Variants in NRXN1 observed in about 807,000 individuals in gnomAD.
NRXN1 encodes neurexin-1.
A neutral mutation model predicts 150.9 loss-of-function variants in NRXN1; 39 were observed. The ratio of observed to expected loss-of-function variants is 0.26; its 90% CI spans 0.20 to 0.34. NRXN1 has a LOEUF of 0.34. Among genes scored for constraint, NRXN1 ranks in the 10% least tolerant of loss-of-function variants. NRXN1 has a pLI of 1.00. For synonymous variants in NRXN1, 924 were observed against 757.0 expected, an observed-to-expected ratio of 1.22 and a Z score of -3.62; for missense variants, 1,815 against 1,949.9, an observed-to-expected ratio of 0.93 and a Z score of 1.30.
intron 5 of NRXN1, among the ~76,000 whole-genome samples, chr2:50,713,746 A>G (rs775957062): frequency 1.3e-5 from 2 of 152,232 alleles, no homozygotes; most frequent in Non-Finnish European, 2.9e-5. Flanking sequence ...ACCAAAACAC[A>G]TAACATCTTA....
chr2:50,885,591 T>G (rs770224392), intron 5 of NRXN1, among the ~76,000 whole-genome samples: 1 of 151,222 alleles, frequency 6.6e-6, no homozygotes, highest in Non-Finnish European at 1.5e-5. Context: ...CACAACTGAA[T>G]GAAAATGTAA....
At chr2:50,199,757 G>A (rs2062031715) in intron 18 of NRXN1, among the ~76,000 whole-genome samples, 1 of 152,040 alleles carries the variant, frequency 6.6e-6, no homozygotes. Flanking sequence ...GGAACAAGCA[G>A]ATTAACTAAC....
chr2:50,158,555 T>G (rs1236561835), intron 18 of NRXN1, among the ~76,000 whole-genome samples: 2 of 152,106 alleles, frequency 1.3e-5, no homozygotes, highest in Non-Finnish European at 2.9e-5. Flanking sequence ...GCAACTGGTT[T>G]TCTTTGAAAT....
At chr2:50,138,042 A>G (rs1397171937) in intron 18 of NRXN1, among the ~76,000 whole-genome samples, 1 of 152,236 alleles carries the variant, frequency 6.6e-6, no homozygotes, top group African/African-American at 2.4e-5. Context: ...TGTCATAAAA[A>G]AATTTATGCA....
At chr2:50,714,566 A>G (rs1050321689) in intron 5 of NRXN1, among the ~76,000 whole-genome samples, 4 of 152,178 alleles carry the variant, frequency 2.6e-5, no homozygotes, top group Admixed American at 2.0e-4. Flanking sequence ...AAACAGATGA[A>G]TATTAATTGG....
chr2:50,481,935 T>C (rs2090498904), intron 15 of NRXN1, among the ~76,000 whole-genome samples: 1 of 145,280 alleles, frequency 6.9e-6, no homozygotes, highest in Admixed American at 6.7e-5. Flanking sequence ...CCGGCTAATT[T>C]TTTTTTGTAT....
At chr2:50,590,724 T>C (rs1014632232) in intron 8 of NRXN1, among the ~76,000 whole-genome samples, 2 of 152,174 alleles carry the variant, frequency 1.3e-5, no homozygotes, top group Admixed American at 1.3e-4. Context: ...AGCAAGAAGA[T>C]GGACGATCAT....
intron 17 of NRXN1, among the ~76,000 whole-genome samples, chr2:50,372,217 T>C (rs941736583): frequency 6.6e-6 from 1 of 152,072 alleles, no homozygotes; most frequent in African/African-American, 2.4e-5. Context: ...AAAATCCATA[T>C]AACAAAAAAC....
chr2:50,095,551 T>C (rs1027552269), intron 18 of NRXN1, among the ~76,000 whole-genome samples: 1 of 152,122 alleles, frequency 6.6e-6, no homozygotes, highest in Admixed American at 6.5e-5. Context: ...ATTCAGTGAA[T>C]AGAAGCATTG....
intron 12 of NRXN1, among the ~76,000 whole-genome samples, chr2:50,515,928 C>T (rs551443388): frequency 9.6e-4 from 146 of 152,206 alleles, no homozygotes; most frequent in Non-Finnish European, 1.9e-3. Context: ...ATGACACCTT[C>T]AGCCTACTAT....
chr2:50,442,760 C>A (rs1373743396), intron 17 of NRXN1, among the ~76,000 whole-genome samples: 3 of 152,060 alleles, frequency 2.0e-5, no homozygotes, highest in African/African-American at 7.2e-5. Flanking sequence ...GGAATCATGT[C>A]CTGTGAAACA....
At chr2:50,053,003 G>T (rs1195909623) in intron 21 of NRXN1, among the ~76,000 whole-genome samples, 1 of 152,052 alleles carries the variant, frequency 6.6e-6, no homozygotes. Context: ...ACTCAGCTTG[G>T]GCCAGAGGAG....
At chr2:51,024,886 T>C (rs1223721503) in intron 2 of NRXN1, among the ~76,000 whole-genome samples, 1 of 152,182 alleles carries the variant, frequency 6.6e-6, no homozygotes, top group Non-Finnish European at 1.5e-5. Context: ...TTAGTTTTTA[T>C]GAAGAACATG....
chr2:50,340,702 C>T (rs2077486219), intron 17 of NRXN1, among the ~76,000 whole-genome samples: 1 of 151,794 alleles, frequency 6.6e-6, no homozygotes, highest in Non-Finnish European at 1.5e-5. Flanking sequence ...TAGAGGTCTG[C>T]TAGTCCAATT....
chr2:50,751,962 A>G (rs1490841112), intron 5 of NRXN1, among the ~76,000 whole-genome samples: 1 of 151,900 alleles, frequency 6.6e-6, no homozygotes, highest in East Asian at 1.9e-4. Flanking sequence ...GAATCAGGAA[A>G]GAGTTATTGG....
At chr2:50,284,265 C>T (rs73930329) in intron 17 of NRXN1, among the ~76,000 whole-genome samples, 5,203 of 152,184 alleles carry the variant, frequency 0.034, 316 homozygotes, top group African/African-American at 0.12. Context: ...AATCCAAGGC[C>T]GATACTGTAC....
At chr2:50,848,248 C>A (rs981261974) in intron 5 of NRXN1, among the ~76,000 whole-genome samples, 3 of 152,106 alleles carry the variant, frequency 2.0e-5, no homozygotes, top group Non-Finnish European at 4.4e-5. Flanking sequence ...GCACGCCCTG[C>A]GAGGGGGACA....
chr2:50,822,407 A>C (rs890197418), intron 5 of NRXN1, among the ~76,000 whole-genome samples: 4 of 152,162 alleles, frequency 2.6e-5, no homozygotes, highest in Non-Finnish European at 4.4e-5. Context: ...TATTTAAGTG[A>C]TTGAACAACA....
At chr2:50,831,106 C>T (rs1193258642) in intron 5 of NRXN1, among the ~76,000 whole-genome samples, 1 of 152,128 alleles carries the variant, frequency 6.6e-6, no homozygotes, top group Non-Finnish European at 1.5e-5. Flanking sequence ...TCCAATTATA[C>T]TCCTTAAGTT....
Sources: gnomAD v4.1 joint callset for allele counts (sites outside exome capture counted in the v4.1 genomes callset) on GRCh38, gnomAD v4.1.1 for gene constraint, MANE v1.5 for transcripts, NCBI Gene and HGNC (gene_info 2026-07-23, HGNC 2026-07-21) for gene names.